The following FMN1 variants were observed in gnomAD, a reference collection of about 807,000 sequenced individuals.
FMN1 encodes the protein formin 1.
Under a neutral mutation model 132.4 loss-of-function variants are expected in FMN1, and 110 were observed. That is an observed-to-expected ratio of 0.83 (90% CI 0.71 to 0.97). The LOEUF (loss-of-function observed/expected upper bound fraction) is 0.97. Ranked by LOEUF, FMN1 falls within the 50% of genes least tolerant of loss-of-function variation. The pLI is 0.00. For missense variants in FMN1, 1,792 were observed against 1,705.3 expected, an observed-to-expected ratio of 1.05 and a Z score of -0.90; for synonymous variants, 722 against 651.7, an observed-to-expected ratio of 1.11 and a Z score of -1.64.
At chr15:33,091,728 G>A (rs2038909919) in intron 4 of FMN1, among the ~76,000 whole-genome samples, 1 of 151,986 alleles carries the variant, frequency 6.6e-6, no homozygotes, top group African/African-American at 2.4e-5. Flanking sequence ...CTTTTTTTCA[G>A]TCAAAAATAA....
intron 9 of FMN1, among the ~76,000 whole-genome samples, chr15:32,929,302 G>A (rs920267529): frequency 6.6e-6 from 1 of 152,100 alleles, no homozygotes; most frequent in African/African-American, 2.4e-5. Flanking sequence ...ATACCACCAG[G>A]TTTCTCAAAA....
At chr15:33,125,069 T>G (rs1341680611) in intron 4 of FMN1, among the ~76,000 whole-genome samples, 3 of 152,020 alleles carry the variant, frequency 2.0e-5, no homozygotes, top group Non-Finnish European at 4.4e-5. Context: ...AGCGACTGAG[T>G]TTTTCCACCA....
At chr15:33,152,800 A>AAAG (rs1555409177) in intron 4 of FMN1, among the ~76,000 whole-genome samples, 2 of 151,114 alleles carry the variant, frequency 1.3e-5, no homozygotes, top group Non-Finnish European at 3.0e-5. Flanking sequence ...AAAAAAAAAA[A>AAAG]AAAGAAAGAA....
chr15:33,116,570 G>C (rs2039933829), intron 4 of FMN1, among the ~76,000 whole-genome samples: 1 of 151,920 alleles, frequency 6.6e-6, no homozygotes, highest in Admixed American at 6.6e-5. Flanking sequence ...AATTTAGTTT[G>C]TCGAAAGTTT....
intron 5 of FMN1, among the ~76,000 whole-genome samples, chr15:33,082,935 C>G (rs1385040138): frequency 1.3e-5 from 2 of 152,042 alleles, no homozygotes; most frequent in Non-Finnish European, 2.9e-5. Context: ...TATTTGGAAA[C>G]TTCATGGCCC....
chr15:32,822,544 C>CTCA (rs1267115426), intron 17 of FMN1, among the ~76,000 whole-genome samples: 2 of 152,042 alleles, frequency 1.3e-5, no homozygotes, highest in Non-Finnish European at 2.9e-5. Context: ...AGTGTTGCTG[C>CTCA]TCAGAAGCTT....
At chr15:32,923,964 C>CG (rs1430034448) in intron 10 of FMN1, among the ~76,000 whole-genome samples, 1 of 126,482 alleles carries the variant, frequency 7.9e-6, no homozygotes, top group East Asian at 2.1e-4. Flanking sequence ...CTGTCAAGAC[C>CG]GTTCTGTGAT....
At chr15:33,080,312 G>T (rs1352942353) in intron 5 of FMN1, among the ~76,000 whole-genome samples, 1 of 152,218 alleles carries the variant, frequency 6.6e-6, no homozygotes, top group East Asian at 1.9e-4. Context: ...TAGGAGTGAA[G>T]GAAGGTGGAA....
intron 9 of FMN1, among the ~76,000 whole-genome samples, chr15:32,937,762 T>C (rs1034424778): frequency 2.6e-5 from 4 of 152,160 alleles, no homozygotes; most frequent in Non-Finnish European, 5.9e-5. Flanking sequence ...TCCTTCATAA[T>C]TGGAGGACAG....
At position 32,768,006 on chromosome 15, in the gene FMN1, G is replaced by A. The variant is rs1456429770; in HGVS notation, c.*6304C>T. 6.6e-6 allele frequency: 1 copy of A among 152,284 alleles called. No individual in the cohort carries two copies. Among genetic ancestry groups the A allele is most frequent in the Non-Finnish European group, 1.5e-5 (1 of 68,018 alleles). The allele number at this position is 152,284 out of a possible 1,614,324, so 9.4% of individuals were successfully genotyped here. A position where few individuals can be genotyped will look rare whatever the true frequency, so the allele number is the denominator to read the frequency against. ...AAGTTAGCATGAAGCGAGGAAAAAG[G>A]AGATATTTATAATTCACAAAAACAT... On this transcript the variant is annotated 3_prime_UTR_variant, in exon 21 of 21. Coordinates refer to ENST00000616417, the MANE Select transcript of FMN1 (RefSeq NM_001277313.2).
At chr15:32,930,135 G>A (rs1456485028) in intron 9 of FMN1, among the ~76,000 whole-genome samples, 1 of 151,674 alleles carries the variant, frequency 6.6e-6, no homozygotes, top group African/African-American at 2.4e-5. Context: ...GATTACAGGT[G>A]CCTGCCACCA....
chr15:32,765,724 C>T lies in FMN1; in HGVS notation c.*8586G>A, dbSNP rs149795433. On this transcript the variant is annotated 3_prime_UTR_variant, in exon 21 of 21. Coordinates refer to ENST00000616417, the MANE Select transcript of FMN1 (RefSeq NM_001277313.2). Reference sequence around the variant, plus strand: ...TAGAATTTTTTGAATAGACAATTGACGTTTTTCTAATCAATATATATTATG... The same window carrying T: ...TAGAATTTTTTGAATAGACAATTGATGTTTTTCTAATCAATATATATTATG... The T allele has an allele frequency of 1.4e-4, 21 of 152,070 alleles. No homozygotes were observed. Among genetic ancestry groups the T allele is most frequent in the African/African-American group, 2.9e-4 (12 of 41,470 alleles). 9.4% of individuals were successfully genotyped at this position (152,070 alleles called of 1,614,324 possible).
chr15:32,980,822 G>A (rs1272465901), intron 7 of FMN1, among the ~76,000 whole-genome samples: 2 of 152,130 alleles, frequency 1.3e-5, no homozygotes, highest in Non-Finnish European at 2.9e-5. Context: ...AGATCAGCCT[G>A]GCCAATGGCA....
At chr15:33,003,484 T>G (rs1332049934) in intron 7 of FMN1, among the ~76,000 whole-genome samples, 1 of 152,212 alleles carries the variant, frequency 6.6e-6, no homozygotes, top group Non-Finnish European at 1.5e-5. Context: ...GAATCCAACT[T>G]ACAAGGAATG....
chr15:33,037,696 A>G (rs532267615), intron 6 of FMN1, among the ~76,000 whole-genome samples: 105 of 152,352 alleles, frequency 6.9e-4, no homozygotes, highest in African/African-American at 2.4e-3. Context: ...TGTCAGCTGT[A>G]ATCATGCACA....
chr15:33,118,655 T>C (rs1166458981), intron 4 of FMN1, among the ~76,000 whole-genome samples: 1 of 152,112 alleles, frequency 6.6e-6, no homozygotes, highest in Non-Finnish European at 1.5e-5. Context: ...ATAATGCTCA[T>C]ATTAAATATT....
At chr15:32,974,711 A>T (rs754999374) in intron 7 of FMN1, among the ~76,000 whole-genome samples, 1 of 152,246 alleles carries the variant, frequency 6.6e-6, no homozygotes, top group Non-Finnish European at 1.5e-5. Flanking sequence ...AATCAACAAC[A>T]ACTGTTCTTA....
chr15:32,798,969 G>A lies in FMN1; in HGVS notation c.3981-16C>T. 1 of 1,611,676 alleles carries A rather than the reference G, an allele frequency of 6.2e-7. No individual in the cohort carries two copies. Among genetic ancestry groups the A allele is most frequent in the Non-Finnish European group, 8.5e-7 (1 of 1,179,052 alleles). ...TGTTTCAAAACTGCAACAGGTAGGG[G>A]GGAAAATGGAATGAGGTAGAGGTGA... On this transcript the variant is annotated splice_polypyrimidine_tract_variant and intron_variant, in intron 18 of 20. Coordinates refer to ENST00000616417, the MANE Select transcript of FMN1 (RefSeq NM_001277313.2).
chr15:33,069,079 A>C (rs533557758), intron 5 of FMN1, among the ~76,000 whole-genome samples: 9 of 152,316 alleles, frequency 5.9e-5, no homozygotes, highest in African/African-American at 2.2e-4. Context: ...CGTTCTCCTA[A>C]AGGGCAAAAC....
Sources: allele counts gnomAD v4.1 joint callset (sites outside exome capture counted in the v4.1 genomes callset), GRCh38; gene constraint gnomAD v4.1.1; transcripts MANE v1.5; gene names NCBI Gene and HGNC (gene_info 2026-07-23, HGNC 2026-07-21).